Variants in THAP6 observed in about 807,000 individuals in gnomAD.
The protein encoded by THAP6 is THAP domain containing 6, also known as THAP domain-containing protein 6.
A neutral mutation model predicts 20.0 loss-of-function variants in THAP6; 13 were observed. That is an observed-to-expected ratio of 0.65 (90% CI 0.42 to 1.03). THAP6 has a LOEUF of 1.03. THAP6 is among the 50% of genes least tolerant of loss of function. THAP6 has a pLI of 0.00. For missense variants in THAP6, 262 were observed against 261.6 expected (o/e 1.00, Z -0.01); for synonymous variants, 93 against 92.2 (o/e 1.01, Z -0.05).
chr4:75,521,846 A>T lies in THAP6; in HGVS notation c.399A>T (p.Gln133His), dbSNP rs777858301. Residue 133 changes from glutamine to histidine, a missense_variant, in exon 4 of 5, where the codon CAA becomes CAT. Transcript: ENST00000311638. ...VGASSCIEEF[Q>H]SQFIFEHSYS... ...CTTCCTCATGTATTGAAGAATTCCA[A>T]TCCCAGTTCATTTTTGTAAGTAAAT... is the stretch of plus-strand genomic sequence containing the variant. The T allele has an allele frequency of 2.5e-6, 4 of 1,613,312 alleles. No individual in the cohort carries two copies. The African/African-American group carries it at 5.3e-5, about 22-fold the overall frequency.
At chr4:75,535,591 A>G (rs567638399) in intron 2 of THAP6, among the ~76,000 whole-genome samples, 4 of 152,376 alleles carry the variant, frequency 2.6e-5, no homozygotes, top group South Asian at 4.1e-4. Flanking sequence ...AACCAACTTC[A>G]GAGTAAAACT....
intron 3 of THAP6, among the ~76,000 whole-genome samples, chr4:75,518,036 A>G (rs1248083342): frequency 2.6e-5 from 4 of 152,230 alleles, no homozygotes; most frequent in Non-Finnish European, 5.9e-5. Context: ...GCAGTTGGTC[A>G]TATTGTAGAA....
chr4:75,529,212 A>G lies in THAP6; in HGVS notation c.*1998A>G. 1.0e-6 allele frequency: 1 copy of G among 984,676 alleles called. No individual in the cohort carries two copies. Among genetic ancestry groups the G allele is most frequent in the Non-Finnish European group, 1.2e-6 (1 of 829,246 alleles). The allele number at this position is 984,676 out of a possible 1,614,324, so 61.0% of individuals were successfully genotyped here. A position where few individuals can be genotyped will look rare whatever the true frequency, so the allele number is the denominator to read the frequency against. On this transcript the variant is annotated 3_prime_UTR_variant, in exon 5 of 5. Coordinates refer to ENST00000311638, the MANE Select transcript of THAP6 (RefSeq NM_144721.6). ...TTTTTCCCTCACCCTATTTGTGAAT[A>G]TATAAATTAAAGTAAGACAATGGAG...
At chr4:75,514,181 C>T (rs1478419930), upstream of THAP6, 6 of 1,606,110 alleles carry the variant, frequency 3.7e-6, no homozygotes, top group East Asian at 9.0e-5. Context: ...AGGGAAGAGT[C>T]CATAGAAGGC....
chr4:75,528,176 G>A lies in THAP6; in HGVS notation c.*962G>A. ...AAAGGATTAGAATATTTTAATTAGGGGAGTAGATTATTGTCCAAAGGCTTT... is the reference window on the plus strand; with the variant it reads ...AAAGGATTAGAATATTTTAATTAGGAGAGTAGATTATTGTCCAAAGGCTTT... On this transcript the variant is annotated 3_prime_UTR_variant, in exon 5 of 5. Transcript: ENST00000311638. The A allele has an allele frequency of 2.0e-6, 2 of 985,090 alleles. No homozygotes were observed. Among genetic ancestry groups the A allele is most frequent in the Non-Finnish European group, 2.4e-6 (2 of 829,638 alleles). 61.0% of individuals were successfully genotyped at this position (985,090 alleles called of 1,614,324 possible).
intron 1 of THAP6, 102 bp from the exon 2 acceptor site, chr4:75,515,331 G>A (rs974195800): frequency 2.4e-5 from 26 of 1,087,222 alleles, no homozygotes; most frequent in Non-Finnish European, 3.6e-5. Context: ...TTTGTCTTTA[G>A]CTTTCTATCC....
chr4:75,530,093 C>T (rs866432302), downstream of THAP6: 36 of 984,282 alleles, frequency 3.7e-5, no homozygotes, highest in African/African-American at 1.2e-4. Context: ...AGAGTACGTA[C>T]GTAGAGGTTT....
intron 3 of THAP6, among the ~76,000 whole-genome samples, chr4:75,545,750 G>A (rs1414502823): frequency 6.6e-6 from 1 of 152,208 alleles, no homozygotes; most frequent in East Asian, 1.9e-4. Context: ...AGCGTCCGCA[G>A]TTGTGACCAC....
intron 4 of THAP6, among the ~76,000 whole-genome samples, chr4:75,525,960 GGA>G (rs1330772159): frequency 6.6e-6 from 1 of 152,138 alleles, no homozygotes; most frequent in African/African-American, 2.4e-5. Flanking sequence ...TACTCAAAGG[GGA>G]GCCTCTGAAG....
In THAP6 at chr4:75,515,295, A is replaced by G. The variant is rs1725487100; in HGVS notation, c.-20-138A>G. The stretch of plus-strand genomic sequence containing the variant: ...CAAGGCCCTGGAAAATGATGTAAGC[A>G]AAGCTGCAGGTGTTAGAAGAAGATA... On this transcript the variant is annotated intron_variant, in intron 1 of 4. Transcript: ENST00000311638. The G allele has an allele frequency of 5.7e-6, 4 of 703,076 alleles. No homozygotes were observed. In the Admixed American group the frequency reaches 1.0e-4, roughly 18 times the overall value. 43.6% of individuals were successfully genotyped at this position (703,076 alleles called of 1,614,324 possible). A position where few individuals can be genotyped will look rare whatever the true frequency, so the allele number is the denominator to read the frequency against.
At chr4:75,539,792 C>T (rs182301143) in intron 2 of THAP6, 1,113 of 1,532,262 alleles carry the variant, frequency 7.3e-4, no homozygotes, top group Middle Eastern at 1.3e-3. Context: ...GCGTATAAAA[C>T]GTAGACCATA....
chr4:75,523,106 T>A (rs1470147155), intron 4 of THAP6, among the ~76,000 whole-genome samples: 1 of 152,210 alleles, frequency 6.6e-6, no homozygotes, highest in African/African-American at 2.4e-5. Flanking sequence ...CTTGCCAGCA[T>A]TTGTTGTTGC....
intron 2 of THAP6, among the ~76,000 whole-genome samples, chr4:75,540,625 A>G (rs1277030212): frequency 2.6e-5 from 4 of 152,246 alleles, no homozygotes; most frequent in African/African-American, 9.6e-5. Flanking sequence ...GAGTTTTATT[A>G]AATAAAGAGT....
In THAP6 at chr4:75,528,454, T is replaced by C; in HGVS notation, c.*1240T>C. The C allele has an allele frequency of 1.0e-6, 1 of 985,380 alleles. No individual in the cohort carries two copies. Among genetic ancestry groups the C allele is most frequent in the Middle Eastern group, 5.2e-4 (1 of 1,914 alleles). The allele number at this position is 985,380 out of a possible 1,614,324, so 61.0% of individuals were successfully genotyped here. A position where few individuals can be genotyped will look rare whatever the true frequency, so the allele number is the denominator to read the frequency against. On this transcript the variant is annotated 3_prime_UTR_variant, in exon 5 of 5. Transcript: ENST00000311638. ...GGACCTCATTCAGAAGTCCATGTTG[T>C]AGCAGTTAGAATTTGAGTATCAGCC... is the stretch of plus-strand genomic sequence containing the variant.
Position 75,518,083 on chromosome 4 carries a change from G to A in THAP6, c.288+1104G>A, listed in dbSNP as rs543661770. Among the ~76,000 whole-genome samples, 22 of 152,250 alleles carry A rather than the reference G, an allele frequency of 1.4e-4. No homozygotes were observed. In the East Asian group the frequency reaches 1.7e-3, roughly 12 times the overall value. ...AGGTAGAGAATGCCTCACTTTCTTC[G>A]GTGCTAATAAATATACAGTATCTTG... On this transcript the variant is annotated intron_variant, in intron 3 of 4. Coordinates refer to ENST00000311638, the MANE Select transcript of THAP6 (RefSeq NM_144721.6).
intron 3 of THAP6, chr4:75,544,527 G>T (rs1727082861): frequency 6.6e-6 from 1 of 152,050 alleles, no homozygotes; most frequent in African/African-American, 2.4e-5. Context: ...GCTAATTTTT[G>T]TATTTTTTGG....
At chr4:75,544,204 C>T (rs1337438542) in intron 3 of THAP6, 5 of 152,218 alleles carry the variant, frequency 3.3e-5, no homozygotes, top group Admixed American at 3.3e-4. Flanking sequence ...TATCCACACC[C>T]TCACTCTCTC....
intron 4 of THAP6, among the ~76,000 whole-genome samples, chr4:75,525,451 GT>G (rs1323230758): frequency 6.6e-6 from 1 of 151,954 alleles, no homozygotes; most frequent in African/African-American, 2.4e-5. Context: ...TCACACATCA[GT>G]TATCTGTAGA....
chr4:75,526,959 G>A lies in THAP6; in HGVS notation c.415-1G>A. Reference sequence around the variant, plus strand: ...TAATAACTTGGTGTTTATGTTTTTAGGAACATAGCTACAGTGTAATGGACA... The same window carrying A: ...TAATAACTTGGTGTTTATGTTTTTAAGAACATAGCTACAGTGTAATGGACA... On this transcript the variant is annotated splice_acceptor_variant, in intron 4 of 4. Transcript: ENST00000311638. LOFTEE classifies it high-confidence loss of function. 1 of 1,610,280 alleles carries A rather than the reference G, an allele frequency of 6.2e-7. No individual in the cohort carries two copies. Among genetic ancestry groups the A allele is most frequent in the Non-Finnish European group, 8.5e-7 (1 of 1,177,612 alleles).
Sources: allele counts gnomAD v4.1 joint callset (sites outside exome capture counted in the v4.1 genomes callset), GRCh38; gene constraint gnomAD v4.1.1; transcripts MANE v1.5; gene names NCBI Gene and HGNC (gene_info 2026-07-23, HGNC 2026-07-21).